The following TCERG1L variants were observed in gnomAD, a reference collection of about 807,000 sequenced individuals.
TCERG1L encodes transcription elongation regulator 1-like protein.
In TCERG1L, 37 loss-of-function variants were observed where a neutral mutation model predicts 56.3. That is an observed-to-expected ratio of 0.66 (90% CI 0.51 to 0.87). The LOEUF is 0.87. TCERG1L is among the 40% of genes least tolerant of loss of function. The probability of loss-of-function intolerance (pLI) is 0.00; values close to 1 mark genes in which losing one functional copy is unlikely to be tolerated. For synonymous variants in TCERG1L, 324 were observed against 326.3 expected, an observed-to-expected ratio of 0.99 and a Z score of 0.08; for missense variants, 799 against 774.2, an observed-to-expected ratio of 1.03 and a Z score of -0.38.
rs1241195084 is a variant in TCERG1L at position 131,285,585 on chromosome 10, A to AAG, written c.670+22625_670+22626insCT. Among the ~76,000 whole-genome samples, 62 of 130,766 alleles carry AAG rather than the reference A, an allele frequency of 4.7e-4. 3 individuals are homozygous for AAG. In the East Asian group the frequency reaches 0.01, roughly 22 times the overall value. 85.8% of individuals were successfully genotyped at this position (130,766 alleles called of 152,430 possible). A position where few individuals can be genotyped will look rare whatever the true frequency, so the allele number is the denominator to read the frequency against. On this transcript the variant is annotated intron_variant, in intron 3 of 11. Transcript: ENST00000368642. ...AAGAAAAAGAAAGAAAGAAAGAAAA[A>AAG]AAATGAGATGGCAGGGCAGCTTCAC...
intron 10 of TCERG1L, among the ~76,000 whole-genome samples, chr10:131,101,515 G>A (rs1345451655): frequency 1.3e-5 from 2 of 152,168 alleles, no homozygotes; most frequent in Non-Finnish European, 2.9e-5. Context: ...GGTGGCACAC[G>A]TGGCACGTGC....
rs1270258902 is a variant in TCERG1L, at chr10:131,311,611, G to A, written c.25C>T (p.Arg9Trp). The A allele has an allele frequency of 3.4e-5, 39 of 1,142,296 alleles. No homozygotes were observed. Among genetic ancestry groups the A allele is most frequent in the Admixed American group, 4.9e-5 (1 of 20,484 alleles). The allele number at this position is 1,142,296 out of a possible 1,614,324, so 70.8% of individuals were successfully genotyped here. A position where few individuals can be genotyped will look rare whatever the true frequency, so the allele number is the denominator to read the frequency against. The change falls in exon 1 of 12, where the codon CGG (arginine) becomes TGG (tryptophan). Residue 9 changes from arginine (R) to tryptophan (W), a missense_variant. Transcript: ENST00000368642. The surrounding 1 kb of genome is among the most constrained non-coding windows in gnomAD (Gnocchi z 4.0). MQAGARFQ[R>W]RRRQLQQQQP... Reference sequence around the variant, plus strand: ...TGCTGCTGCAGCTGCCGCCGCCGCCGCTGGAACCTGGCGCCCGCCTGCATC... The same window carrying A: ...TGCTGCTGCAGCTGCCGCCGCCGCCACTGGAACCTGGCGCCCGCCTGCATC...
chr10:131,288,675 T>A (rs1846573510), intron 3 of TCERG1L, among the ~76,000 whole-genome samples: 1 of 152,182 alleles, frequency 6.6e-6, no homozygotes. Context: ...GCTATCATGC[T>A]GGATGAGAGA....
intron 4 of TCERG1L, among the ~76,000 whole-genome samples, chr10:131,252,702 C>G (rs1846125348): frequency 6.6e-6 from 1 of 152,186 alleles, no homozygotes; most frequent in South Asian, 2.1e-4. Flanking sequence ...AGCCACCCAC[C>G]ATGGATACTA....
At chr10:131,191,402 A>C (rs1341226818) in intron 4 of TCERG1L, among the ~76,000 whole-genome samples, 2 of 144,104 alleles carry the variant, frequency 1.4e-5, no homozygotes, top group Admixed American at 6.9e-5. Flanking sequence ...ATATGGAACC[A>C]AAAAAGAGCC....
At chr10:131,136,860 G>A (rs1314912234) in intron 7 of TCERG1L, among the ~76,000 whole-genome samples, 2 of 151,848 alleles carry the variant, frequency 1.3e-5, no homozygotes, top group African/African-American at 4.8e-5. Context: ...TGAGGGCACT[G>A]GGCAGGCACA....
At chr10:131,145,896 G>A (rs2050504211) in intron 7 of TCERG1L, among the ~76,000 whole-genome samples, 1 of 152,208 alleles carries the variant, frequency 6.6e-6, no homozygotes, top group Non-Finnish European at 1.5e-5. Context: ...ATATGTATTA[G>A]ATCTAATCGG....
At chr10:131,301,651 G>T (rs1846762526) in intron 3 of TCERG1L, among the ~76,000 whole-genome samples, 1 of 151,808 alleles carries the variant, frequency 6.6e-6, no homozygotes, top group Non-Finnish European at 1.5e-5. Context: ...AACCTCGTCT[G>T]CTTTTTAAAA....
chr10:131,225,963 G>T (rs1255149672), intron 4 of TCERG1L, among the ~76,000 whole-genome samples: 2 of 152,250 alleles, frequency 1.3e-5, no homozygotes, highest in African/African-American at 4.8e-5. Context: ...ATTTGAACAG[G>T]GTCTCACGCT....
At chr10:131,220,915 C>A (rs1243756469) in intron 4 of TCERG1L, among the ~76,000 whole-genome samples, 2 of 152,232 alleles carry the variant, frequency 1.3e-5, no homozygotes, top group African/African-American at 4.8e-5. Flanking sequence ...GGGGCCAGGG[C>A]CACCACCATC....
chr10:131,292,144 TAA>T (rs1184026524), intron 3 of TCERG1L, among the ~76,000 whole-genome samples: 1 of 152,226 alleles, frequency 6.6e-6, no homozygotes, highest in Non-Finnish European at 1.5e-5. Context: ...ACAGTTTCAG[TAA>T]AACAATAAAC....
chr10:131,200,731 A>G (rs182166105), intron 4 of TCERG1L, among the ~76,000 whole-genome samples: 2 of 152,348 alleles, frequency 1.3e-5, no homozygotes, highest in East Asian at 3.9e-4. Flanking sequence ...GAATGAATGT[A>G]TTTTGCGTGT....
At chr10:131,287,171 G>C (rs1367720819) in intron 3 of TCERG1L, among the ~76,000 whole-genome samples, 1 of 152,152 alleles carries the variant, frequency 6.6e-6, no homozygotes, top group African/African-American at 2.4e-5. Context: ...TTTAGAATAG[G>C]TATCAGAGAC....
chr10:131,178,798 G>A (rs375815507), intron 4 of TCERG1L, among the ~76,000 whole-genome samples: 5 of 152,166 alleles, frequency 3.3e-5, no homozygotes, highest in East Asian at 1.9e-4. Flanking sequence ...CTGGCTCTCC[G>A]CACTTGAGGA....
chr10:131,194,960 CAT>C (rs1845342325), intron 4 of TCERG1L, among the ~76,000 whole-genome samples: 1 of 152,180 alleles, frequency 6.6e-6, no homozygotes, highest in Non-Finnish European at 1.5e-5. Context: ...TGCTGATACA[CAT>C]GTGCCACTAA....
intron 4 of TCERG1L, among the ~76,000 whole-genome samples, chr10:131,240,177 A>G (rs1175884600): frequency 3.3e-5 from 5 of 152,066 alleles, no homozygotes; most frequent in Non-Finnish European, 7.4e-5. Context: ...GTGTATTCTG[A>G]GCCTGATGTT....
At chr10:131,195,408 T>C (rs55898373) in intron 4 of TCERG1L, among the ~76,000 whole-genome samples, 31,741 of 152,176 alleles carry the variant, frequency 0.21, 3,507 homozygotes, top group Middle Eastern at 0.32. Context: ...AACACGACTG[T>C]GGCACCAGAC....
chr10:131,168,067 T>C (rs1846050509), intron 4 of TCERG1L, among the ~76,000 whole-genome samples: 1 of 152,194 alleles, frequency 6.6e-6, no homozygotes, highest in African/African-American at 2.4e-5. Flanking sequence ...AGCTCAAGAC[T>C]GGGCAGTGCA....
intron 4 of TCERG1L, among the ~76,000 whole-genome samples, chr10:131,227,836 C>G (rs992076696): frequency 7.9e-6 from 1 of 126,090 alleles, no homozygotes; most frequent in Non-Finnish European, 1.7e-5. Flanking sequence ...AAAGGGAACC[C>G]CTTCCCGTGG....
Sources: allele counts gnomAD v4.1 joint callset (sites outside exome capture counted in the v4.1 genomes callset), GRCh38; gene constraint gnomAD v4.1.1; non-coding constraint Gnocchi (gnomAD v3.1); transcripts MANE v1.5; gene names NCBI Gene and HGNC (gene_info 2026-07-23, HGNC 2026-07-21).